Variants in GPC5 observed in about 807,000 individuals in gnomAD.
The protein encoded by GPC5 is glypican 5.
GPC5 carries 47 observed loss-of-function variants against 53.9 expected under a neutral mutation model. The ratio of observed to expected loss-of-function variants is 0.87; its 90% CI spans 0.69 to 1.11. The LOEUF is 1.11. Among genes scored for constraint, GPC5 ranks in the 50% most tolerant of loss-of-function variants. The probability of loss-of-function intolerance (pLI) is 0.00; values close to 1 mark genes in which losing one functional copy is unlikely to be tolerated. For synonymous variants in GPC5, 286 were observed against 263.3 expected (o/e 1.09, Z -0.84); for missense variants, 748 against 713.1 (o/e 1.05, Z -0.56).
intron 5 of GPC5, among the ~76,000 whole-genome samples, chr13:91,876,113 C>G (rs1041828231): frequency 6.6e-6 from 1 of 152,190 alleles, no homozygotes; most frequent in African/African-American, 2.4e-5. Flanking sequence ...AAGTGCCTTT[C>G]ACCTTCTGCT....
At chr13:92,408,576 G>A (rs986729343) in intron 7 of GPC5, among the ~76,000 whole-genome samples, 1 of 151,476 alleles carries the variant, frequency 6.6e-6, no homozygotes, top group African/African-American at 2.4e-5. Context: ...CAAGTGATTG[G>A]CATCTGGTAA....
At chr13:92,605,576 G>GA (rs768639288) in intron 7 of GPC5, among the ~76,000 whole-genome samples, 2 of 139,668 alleles carry the variant, frequency 1.4e-5, no homozygotes, top group Non-Finnish European at 3.1e-5. Flanking sequence ...GTATTCACTA[G>GA]TTTTTTTTTT....
intron 5 of GPC5, among the ~76,000 whole-genome samples, chr13:91,828,723 A>G (rs530858290): frequency 6.6e-6 from 1 of 152,178 alleles, no homozygotes; most frequent in African/African-American, 2.4e-5. Flanking sequence ...TTTGAGTATC[A>G]GAAATTAGTA....
chr13:92,719,632 T>C (rs976290903), intron 7 of GPC5, among the ~76,000 whole-genome samples: 6 of 152,168 alleles, frequency 3.9e-5, no homozygotes, highest in African/African-American at 1.4e-4. Context: ...CTAACAAGTA[T>C]ATAGAGAGTA....
intron 7 of GPC5, among the ~76,000 whole-genome samples, chr13:92,166,974 A>T (rs1490336839): frequency 6.7e-6 from 1 of 148,882 alleles, no homozygotes; most frequent in African/African-American, 2.6e-5. Flanking sequence ...ACACACACAC[A>T]CACACACACA....
chr13:92,385,720 CATATATACATGTATATATACGT>C (rs1566568117), intron 7 of GPC5, among the ~76,000 whole-genome samples: 1 of 130,926 alleles, frequency 7.6e-6, no homozygotes. Flanking sequence ...CACATATATA[CATATATACATGTATATATACGT>C]ATATATACAC....
intron 7 of GPC5, among the ~76,000 whole-genome samples, chr13:92,207,526 A>T (rs2042346175): frequency 6.6e-6 from 1 of 152,140 alleles, no homozygotes; most frequent in South Asian, 2.1e-4. Context: ...TTAGACCAGT[A>T]TTCTCCCCAC....
chr13:92,794,471 C>T (rs747469645), intron 7 of GPC5, among the ~76,000 whole-genome samples: 1 of 152,112 alleles, frequency 6.6e-6, no homozygotes, highest in Non-Finnish European at 1.5e-5. Context: ...TGAAATCCAG[C>T]ATAAGACAAG....
intron 7 of GPC5, among the ~76,000 whole-genome samples, chr13:92,860,457 C>T (rs1432155147): frequency 6.6e-6 from 1 of 152,020 alleles, no homozygotes; most frequent in Non-Finnish European, 1.5e-5. Flanking sequence ...CTCAACTGAC[C>T]CAACATACTG....
At chr13:91,777,725 A>AT (rs35187283) in intron 5 of GPC5, among the ~76,000 whole-genome samples, 49,632 of 151,280 alleles carry the variant, frequency 0.33, 9,783 homozygotes, top group East Asian at 0.65. Flanking sequence ...TGAAAACTCA[A>AT]TTTTTTTTTC....
chr13:91,468,966 C>T (rs1882427678), intron 2 of GPC5, among the ~76,000 whole-genome samples: 1 of 150,858 alleles, frequency 6.6e-6, no homozygotes, highest in Admixed American at 6.6e-5. Flanking sequence ...TAGCCTTGAC[C>T]TCCAGGACTC....
intron 4 of GPC5, among the ~76,000 whole-genome samples, chr13:91,751,859 G>C (rs1050075307): frequency 1.3e-5 from 2 of 152,138 alleles, no homozygotes; most frequent in Non-Finnish European, 2.9e-5. Context: ...AATGCTCACT[G>C]TACAGCAAAT....
At chr13:91,863,694 A>G (rs2039054736) in intron 5 of GPC5, among the ~76,000 whole-genome samples, 2 of 152,180 alleles carry the variant, frequency 1.3e-5, no homozygotes, top group South Asian at 2.1e-4. Context: ...ATCTACAGCT[A>G]TAGTCTGAGG....
chr13:91,777,412 A>G (rs1476544756), intron 5 of GPC5, among the ~76,000 whole-genome samples: 1 of 152,172 alleles, frequency 6.6e-6, no homozygotes, highest in South Asian at 2.1e-4. Flanking sequence ...TAACTCCTTC[A>G]TCTTCTTATA....
At chr13:92,631,920 A>G (rs1229259472) in intron 7 of GPC5, among the ~76,000 whole-genome samples, 1 of 152,212 alleles carries the variant, frequency 6.6e-6, no homozygotes, top group African/African-American at 2.4e-5. Context: ...TCATTCCAAG[A>G]TATCTCATTA....
At chr13:92,835,353 T>C (rs1476483248) in intron 7 of GPC5, among the ~76,000 whole-genome samples, 3 of 152,016 alleles carry the variant, frequency 2.0e-5, no homozygotes, top group Non-Finnish European at 4.4e-5. Flanking sequence ...TCAGGTAAAA[T>C]TCTCCAAATT....
At chr13:91,883,800 T>C (rs1026355831) in intron 5 of GPC5, among the ~76,000 whole-genome samples, 29 of 152,172 alleles carry the variant, frequency 1.9e-4, no homozygotes, top group Admixed American at 1.5e-3. Flanking sequence ...TAAATTTAAC[T>C]TTTAAGTTCA....
intron 7 of GPC5, among the ~76,000 whole-genome samples, chr13:92,556,949 T>A (rs1882514854): frequency 6.6e-6 from 1 of 151,920 alleles, no homozygotes; most frequent in Admixed American, 6.6e-5. Flanking sequence ...AAAGAGTTTC[T>A]CATTGCCAGC....
At chr13:91,452,724 A>G (rs1881269192) in intron 2 of GPC5, among the ~76,000 whole-genome samples, 1 of 152,058 alleles carries the variant, frequency 6.6e-6, no homozygotes, top group Admixed American at 6.6e-5. Flanking sequence ...ATATTTTTCA[A>G]TTTTTAAATC....
Sources: gnomAD v4.1 joint callset for allele counts (sites outside exome capture counted in the v4.1 genomes callset) on GRCh38, gnomAD v4.1.1 for gene constraint, MANE v1.5 for transcripts, NCBI Gene and HGNC (gene_info 2026-07-23, HGNC 2026-07-21) for gene names.